Variants in PCP4 observed in about 807,000 individuals in gnomAD.
PCP4 encodes the protein calmodulin regulator protein PCP4.
A neutral mutation model predicts 10.0 loss-of-function variants in PCP4; 8 were observed. That is an observed-to-expected ratio of 0.80 (90% CI 0.47 to 1.45). The LOEUF (loss-of-function observed/expected upper bound fraction) is 1.45, where lower values mean the gene tolerates loss of function less well. Among genes scored for constraint, PCP4 ranks in the 40% most tolerant of loss-of-function variants. The probability of loss-of-function intolerance (pLI) is 0.00; values close to 1 mark genes in which losing one functional copy is unlikely to be tolerated. For synonymous variants in PCP4, 21 were observed against 23.0 expected, an observed-to-expected ratio of 0.91 and a Z score of 0.24; for missense variants, 54 against 74.4, an observed-to-expected ratio of 0.73 and a Z score of 1.01.
intron 1 of PCP4, among the ~76,000 whole-genome samples, chr21:39,874,588 G>A (rs1421278338): frequency 1.4e-5 from 2 of 147,796 alleles, no homozygotes; most frequent in South Asian, 2.2e-4. Context: ...TCAAATAAGA[G>A]TAAAAATATA....
chr21:39,885,613 C>T (rs2146330480), intron 1 of PCP4, among the ~76,000 whole-genome samples: 1 of 152,336 alleles, frequency 6.6e-6, no homozygotes, highest in South Asian at 2.1e-4. Context: ...CCCGTGGAGT[C>T]ACATCCCCCT....
intron 1 of PCP4, among the ~76,000 whole-genome samples, chr21:39,891,195 C>A (rs1601176663): frequency 6.6e-6 from 1 of 152,190 alleles, no homozygotes; most frequent in Admixed American, 6.5e-5. Context: ...AATAGTCACC[C>A]AGCCTTGTCT....
chr21:39,909,861 C>G (rs35646627), intron 2 of PCP4, among the ~76,000 whole-genome samples: 21,075 of 150,306 alleles, frequency 0.14, 1,745 homozygotes, highest in Admixed American at 0.2. Context: ...AATGGCGTGA[C>G]CTTGGCTCAC....
intron 2 of PCP4, among the ~76,000 whole-genome samples, chr21:39,910,899 C>T (rs1478191704): frequency 6.6e-6 from 1 of 152,204 alleles, no homozygotes; most frequent in East Asian, 1.9e-4. Context: ...TTTGTTCTGT[C>T]CCTGCCATTC....
chr21:39,894,306 C>T (rs958279365), intron 1 of PCP4, among the ~76,000 whole-genome samples: 2 of 152,152 alleles, frequency 1.3e-5, no homozygotes, highest in African/African-American at 2.4e-5. Context: ...CATGTATCAA[C>T]CCATGCTCTT....
At chr21:39,871,923 G>A (rs1474030741) in intron 1 of PCP4, among the ~76,000 whole-genome samples, 3 of 152,056 alleles carry the variant, frequency 2.0e-5, no homozygotes, top group African/African-American at 7.2e-5. Context: ...GAAGTAGTAC[G>A]ATCAAGATGA....
Position 39,929,323 on chromosome 21 carries a change from CT to C in PCP4, c.*213del, listed in dbSNP as rs1438532274. The C allele has an allele frequency of 2.6e-6, 1 of 382,756 alleles. No individual in the cohort carries two copies. Among genetic ancestry groups the C allele is most frequent in the Non-Finnish European group, 4.6e-6 (1 of 216,798 alleles). The allele number at this position is 382,756 out of a possible 1,614,324, so 23.7% of individuals were successfully genotyped here. On this transcript the variant is annotated 3_prime_UTR_variant, in exon 3 of 3. Transcript: ENST00000328619. ...TGTGAGTAGCTTAATCTCTATGTTT[CT>C]CTCCATTTTCATTCCTCCTGCAACT...
intron 1 of PCP4, among the ~76,000 whole-genome samples, chr21:39,880,462 TGA>T (rs1189212011): frequency 6.7e-6 from 1 of 149,312 alleles, no homozygotes; most frequent in African/African-American, 2.6e-5. Flanking sequence ...TGCGTGTGTG[TGA>T]GTGTGTGTGT....
At chr21:39,927,569 C>T (rs569670184) in intron 2 of PCP4, among the ~76,000 whole-genome samples, 1,401 of 27,162 alleles carry the variant, frequency 0.052, 18 homozygotes, top group African/African-American at 0.084. Context: ...AGGAATAGAG[C>T]CCCACTCCCT....
At chr21:39,868,601 G>A (rs1218092699) in intron 1 of PCP4, among the ~76,000 whole-genome samples, 1 of 152,192 alleles carries the variant, frequency 6.6e-6, no homozygotes, top group Non-Finnish European at 1.5e-5. Context: ...TGTAACAGCA[G>A]CTAACACTTG....
At chr21:39,891,651 GCC>G (rs1000818733) in intron 1 of PCP4, among the ~76,000 whole-genome samples, 7 of 152,216 alleles carry the variant, frequency 4.6e-5, no homozygotes, top group Non-Finnish European at 1.0e-4. Flanking sequence ...GGCTGGGCTG[GCC>G]GTTATTTATT....
intron 2 of PCP4, among the ~76,000 whole-genome samples, chr21:39,898,856 A>T (rs916307333): frequency 6.6e-6 from 1 of 152,210 alleles, no homozygotes; most frequent in Non-Finnish European, 1.5e-5. Flanking sequence ...ATAAAATGAG[A>T]TCAAACGAGA....
At chr21:39,883,416 C>T (rs1219161028) in intron 1 of PCP4, 1 of 152,214 alleles carries the variant, frequency 6.6e-6, no homozygotes, top group Non-Finnish European at 1.5e-5. Flanking sequence ...TCTTCTTTGT[C>T]ATCAGCGTTC....
intron 2 of PCP4, among the ~76,000 whole-genome samples, chr21:39,920,612 GTTTCC>G (rs1290283101): frequency 6.6e-6 from 1 of 152,142 alleles, no homozygotes; most frequent in Non-Finnish European, 1.5e-5. Context: ...AGATTTGAGA[GTTTCC>G]TTTCCTAAGT....
At chr21:39,927,254 C>A (rs2146353446) in intron 2 of PCP4, among the ~76,000 whole-genome samples, 1 of 152,092 alleles carries the variant, frequency 6.6e-6, no homozygotes, top group Middle Eastern at 3.4e-3. Context: ...CTATCATCTA[C>A]TTATGTTTGT....
intron 1 of PCP4, among the ~76,000 whole-genome samples, chr21:39,874,788 C>T (rs2087337215): frequency 6.6e-6 from 1 of 151,906 alleles, no homozygotes; most frequent in Admixed American, 6.6e-5. Flanking sequence ...TGTACAGTAG[C>T]TCCCCCTTAT....
chr21:39,887,094 T>A (rs908061541), intron 1 of PCP4, among the ~76,000 whole-genome samples: 2 of 152,174 alleles, frequency 1.3e-5, no homozygotes, highest in Admixed American at 6.5e-5. Context: ...TTAATTCCAA[T>A]AAAATAAATC....
intron 1 of PCP4, among the ~76,000 whole-genome samples, chr21:39,896,345 A>C (rs913448340): frequency 6.6e-6 from 1 of 152,222 alleles, no homozygotes; most frequent in African/African-American, 2.4e-5. Context: ...AAGATACTGG[A>C]TTTGAATGCC....
At chr21:39,880,130 GTATC>G (rs1460508663) in intron 1 of PCP4, among the ~76,000 whole-genome samples, 7 of 141,518 alleles carry the variant, frequency 4.9e-5, no homozygotes, top group Non-Finnish European at 9.3e-5. Flanking sequence ...ATCTATATCT[GTATC>G]TATATCTATA....
Sources: allele counts gnomAD v4.1 joint callset (sites outside exome capture counted in the v4.1 genomes callset), GRCh38; gene constraint gnomAD v4.1.1; transcripts MANE v1.5; gene names NCBI Gene and HGNC (gene_info 2026-07-23, HGNC 2026-07-21).